The following AGXT variants were observed in gnomAD, a reference collection of about 807,000 sequenced individuals.
AGXT encodes the protein L-alanine: glyoxylate aminotransferase 1.
AGXT carries 41 observed loss-of-function variants against 46.9 expected under a neutral mutation model. The observed-to-expected ratio is 0.88, with a 90% CI of 0.68 to 1.14. The LOEUF (loss-of-function observed/expected upper bound fraction) is 1.14, where lower values mean the gene tolerates loss of function less well. AGXT is among the 50% of genes most tolerant of loss of function. The probability of loss-of-function intolerance (pLI) is 0.00; values close to 1 mark genes in which losing one functional copy is unlikely to be tolerated. For synonymous variants in AGXT, 244 were observed against 227.9 expected (o/e 1.07, Z -0.64); for missense variants, 525 against 522.7 (o/e 1.00, Z -0.04).
chr2:240,878,266 G>C (rs2059039164), intron 10 of AGXT, 116 bp downstream of exon 10: 3 of 1,460,256 alleles, frequency 2.1e-6, no homozygotes, highest in Non-Finnish European at 2.8e-6. Flanking sequence ...CCAGATTGCA[G>C]GAGCGTCCAG....
At chr2:240,870,516 G>A in intron 2 of AGXT, 128 bp from the exon 3 acceptor site, 1 of 1,100,740 alleles carries the variant, frequency 9.1e-7, no homozygotes, top group Non-Finnish European at 1.3e-6. Flanking sequence ...CTTCAGGCAG[G>A]CAGCCAGGGT....
chr2:240,874,119 G>A, intron 6 of AGXT, 57 bp downstream of exon 6: 1 of 1,568,924 alleles, frequency 6.4e-7, no homozygotes, highest in Non-Finnish European at 8.8e-7. Context: ...GGGAGCTCAG[G>A]TGGCCCGAGG....
rs561402437 is a variant in AGXT, at chr2:240,875,947, A to C, written c.789A>C (p.Thr263=). Residue 263 remains threonine (T), a synonymous_variant, in exon 8 of 11, where the codon ACA becomes ACC. Coordinates refer to ENST00000307503, the MANE Select transcript of AGXT (RefSeq NM_000030.3). ...TCGTGTCTTCCAGGTACCATCACAC[A>C]ATCCCCGTCATCAGCCTGTACAGCC... ...CDDQPRMYHH[T]IPVISLYSLR... The C allele has an allele frequency of 3.1e-6, 5 of 1,614,150 alleles. No individual in the cohort carries two copies. The highest frequency in any genetic ancestry group is 3.4e-6 in the Non-Finnish European group (4 of 1,180,004).
In AGXT at chr2:240,875,818, G is replaced by T; in HGVS notation, c.777-117G>T. 3.5e-6 allele frequency: 4 copies of T among 1,149,912 alleles called. No homozygotes were observed. The South Asian group carries it at 5.2e-5, about 15-fold the overall frequency. 71.2% of individuals were successfully genotyped at this position (1,149,912 alleles called of 1,614,324 possible). The stretch of plus-strand genomic sequence containing the variant: ...ACCCGGACAGGACTCCTCTGCGGAG[G>T]ATACCGGCCTGTGGTCAGAGAGCCT... On this transcript the variant is annotated intron_variant, in intron 7 of 10. Coordinates refer to ENST00000307503, the MANE Select transcript of AGXT (RefSeq NM_000030.3).
At chr2:240,872,855 G>C (rs2058999402) in intron 4 of AGXT, 124 bp from the exon 5 acceptor site, 3 of 819,534 alleles carry the variant, frequency 3.7e-6, no homozygotes, top group Non-Finnish European at 6.4e-6. Flanking sequence ...CTGGGGTGGA[G>C]GTGGGAGGTG....
In AGXT at chr2:240,868,914, C is replaced by T. The variant is rs773611094; in HGVS notation, c.49C>T (p.Pro17Ser). The change falls in exon 1 of 11, where the codon CCC becomes TCC. Residue 17 changes from proline (P) to serine (S), a missense_variant. By Grantham distance (74) the Pro-to-Ser change is moderately conservative (BLOSUM62 -1). Transcript: ENST00000307503. ...GACCCCCCCCAAGGCCCTGCTCAAG[C>T]CCCTCTCCATCCCCAACCAGCTCCT... The part of the protein sequence containing the change: ...LVTPPKALLK[P>S]LSIPNQLLLG... 3.1e-6 allele frequency: 5 copies of T among 1,613,198 alleles called. No homozygotes were observed. Among genetic ancestry groups the T allele is most frequent in the East Asian group, 2.2e-5 (1 of 44,886 alleles).
chr2:240,869,870 C>T (rs2058982028), intron 2 of AGXT, among the ~76,000 whole-genome samples: 1 of 152,168 alleles, frequency 6.6e-6, no homozygotes, highest in African/African-American at 2.4e-5. Context: ...GGAGTGTGCC[C>T]TGGGTTTAAT....
intron 8 of AGXT, among the ~76,000 whole-genome samples, chr2:240,876,273 G>A (rs1267669832): frequency 6.6e-6 from 1 of 152,212 alleles, no homozygotes; most frequent in African/African-American, 2.4e-5. Flanking sequence ...CAGTAAGTGA[G>A]GCCCAGTGAG....
rs558313098 is a variant in AGXT, at chr2:240,870,577, C to T, written c.359-67C>T. ...CACAGGGCCCTGCTCAGCAGGGCCA[C>T]GGGTGCCCAACACTGGCTTCTACAG... On this transcript the variant is annotated intron_variant, in intron 2 of 10. Transcript: ENST00000307503. The T allele has an allele frequency of 3.1e-5, 47 of 1,535,972 alleles. No individual in the cohort carries two copies. The Middle Eastern group carries it at 8.5e-4, about 28-fold the overall frequency.
chr2:240,870,843 C>G, intron 3 of AGXT, 135 bp downstream of exon 3: 2 of 842,846 alleles, frequency 2.4e-6, no homozygotes, highest in Non-Finnish European at 3.8e-6. Flanking sequence ...TCAGCCCATC[C>G]TAGCATCTGG....
chr2:240,871,074 T>A, intron 3 of AGXT: 2 of 586,158 alleles, frequency 3.4e-6, no homozygotes, highest in South Asian at 2.0e-5. Flanking sequence ...CTACCCGGAG[T>A]GTGGGGACTC....
chr2:240,874,004 C>T lies in AGXT; in HGVS notation c.622C>T (p.Gln208Ter), dbSNP rs750264224. ...QGIDILYSGSQKALNAPPGTS... is the reference protein window; with the variant it reads ...QGIDILYSGS The stretch of plus-strand genomic sequence containing the variant: ...CATCGACATCCTGTACTCGGGCTCC[C>T]AGAAGGCCCTGAACGCCCCTCCAGG... Residue 208 changes from glutamine to a stop codon, truncating the protein, a stop_gained, in exon 6 of 11, where the codon CAG becomes TAG. Transcript: ENST00000307503. LOFTEE classifies it high-confidence loss of function. The T allele has an allele frequency of 6.2e-7, 1 of 1,613,626 alleles. No individual in the cohort carries two copies. Among genetic ancestry groups the T allele is most frequent in the African/African-American group, 1.3e-5 (1 of 74,932 alleles).
chr2:240,874,411 G>A (rs553209080), intron 6 of AGXT, among the ~76,000 whole-genome samples: 5 of 152,332 alleles, frequency 3.3e-5, no homozygotes, highest in East Asian at 1.9e-4. Context: ...AAGGGACAAC[G>A]TGGGCCACAC....
chr2:240,871,551 C>T (rs1287674177), intron 4 of AGXT, 102 bp downstream of exon 4: 3 of 1,088,340 alleles, frequency 2.8e-6, no homozygotes, highest in Non-Finnish European at 4.1e-6. Flanking sequence ...CTGGTCCCCA[C>T]CCCAGCCTCT....
intron 2 of AGXT, among the ~76,000 whole-genome samples, chr2:240,869,899 G>C (rs559402650): frequency 1.4e-4 from 21 of 152,282 alleles, no homozygotes; most frequent in African/African-American, 4.6e-4. Flanking sequence ...GTGGCATTGA[G>C]GGACATCAGC....
chr2:240,877,983 G>A, intron 9 of AGXT, 39 bp from the exon 10 acceptor site: 1 of 1,605,650 alleles, frequency 6.2e-7, no homozygotes, highest in Non-Finnish European at 8.5e-7. Flanking sequence ...GCCCGTACAG[G>A]GCCTCTCACC....
chr2:240,877,670 T>A (rs763040906), intron 9 of AGXT, 38 bp downstream of exon 9: 36 of 1,541,138 alleles, frequency 2.3e-5, no homozygotes, highest in South Asian at 3.6e-5. Context: ...CCTGCACCCA[T>A]GGGGAAGGAT....
chr2:240,876,149 G>A, intron 8 of AGXT, 145 bp downstream of exon 8: 1 of 1,012,948 alleles, frequency 9.9e-7, no homozygotes, highest in Non-Finnish European at 1.5e-6. Flanking sequence ...GGGGAGAGAG[G>A]ACAGGGCCCC....
At chr2:240,871,773 G>T (rs952608184) in intron 4 of AGXT, among the ~76,000 whole-genome samples, 1 of 152,186 alleles carries the variant, frequency 6.6e-6, no homozygotes, top group Non-Finnish European at 1.5e-5. Context: ...AGATTGCCAG[G>T]ACACTAAAGC....
Sources: allele counts gnomAD v4.1 joint callset (sites outside exome capture counted in the v4.1 genomes callset), GRCh38; gene constraint gnomAD v4.1.1; transcripts MANE v1.5; gene names NCBI Gene and HGNC (gene_info 2026-07-23, HGNC 2026-07-21).